Variants in ATE1 observed in about 807,000 individuals in gnomAD.
The protein encoded by ATE1 is arginyl-tRNA--protein transferase 1.
A neutral mutation model predicts 70.5 loss-of-function variants in ATE1; 36 were observed. That is an observed-to-expected ratio of 0.51 (90% CI 0.39 to 0.67). ATE1 has a LOEUF of 0.67. ATE1 is among the 30% of genes least tolerant of loss of function. ATE1 has a pLI of 0.00. For missense variants in ATE1, 593 were observed against 629.5 expected (o/e 0.94, Z 0.62); for synonymous variants, 232 against 219.3 (o/e 1.06, Z -0.51).
intron 8 of ATE1, among the ~76,000 whole-genome samples, chr10:121,847,810 A>G (rs944331139): frequency 1.4e-4 from 21 of 148,172 alleles, no homozygotes; most frequent in South Asian, 6.5e-4. Context: ...GGTGGCTCAC[A>G]CCTGTAATCC....
chr10:121,784,532 A>G lies in ATE1; in HGVS notation c.1378+5637T>C, dbSNP rs368362325. 1.1e-4 allele frequency among the ~76,000 whole-genome samples: 16 copies of G among 152,258 alleles called. 1 individual carries two copies. The highest frequency in any genetic ancestry group is 6.8e-3 in the Middle Eastern group (2 of 294). ...AGCACCATACTAAATTGTACATAAT[A>G]TATCTTTGAGAATAAGTGGCTAAAA... is the stretch of plus-strand genomic sequence containing the variant. On this transcript the variant is annotated intron_variant, in intron 11 of 11. Transcript: ENST00000224652.
At chr10:121,762,290 C>A (rs1418277922) in intron 11 of ATE1, among the ~76,000 whole-genome samples, 1 of 152,104 alleles carries the variant, frequency 6.6e-6, no homozygotes, top group South Asian at 2.1e-4. Flanking sequence ...TTTTCTAGGT[C>A]CTCCTCTCAT....
rs1951915695 is a variant in ATE1 at position 121,922,365 on chromosome 10, GACA to G, written c.214_216del (p.Cys72del). ...AATTCTTACCTTATTGTGTACTGAG[GACA>G]ACATGTTTGATTCATGACAGGTTTG... On this transcript the variant is annotated inframe_deletion, in exon 3 of 12. Coordinates refer to ENST00000224652, the MANE Select transcript of ATE1 (RefSeq NM_001001976.3). 4.4e-6 allele frequency: 7 copies of G among 1,597,470 alleles called. No individual in the cohort carries two copies. The highest frequency in any genetic ancestry group is 6.0e-6 in the Non-Finnish European group (7 of 1,166,924).
intron 11 of ATE1, among the ~76,000 whole-genome samples, chr10:121,783,026 G>A (rs1268450881): frequency 6.6e-6 from 1 of 152,042 alleles, no homozygotes; most frequent in Non-Finnish European, 1.5e-5. Flanking sequence ...TATTCCATTA[G>A]TTTTGTCCCT....
intron 3 of ATE1, among the ~76,000 whole-genome samples, chr10:121,915,321 G>GA (rs1390305336): frequency 6.6e-6 from 1 of 151,998 alleles, no homozygotes; most frequent in Non-Finnish European, 1.5e-5. Flanking sequence ...TGAAGTTGAA[G>GA]AAACCTTCCA....
chr10:121,813,999 G>GTGTCCC (rs1947432937), intron 10 of ATE1, among the ~76,000 whole-genome samples: 1 of 152,224 alleles, frequency 6.6e-6, no homozygotes, highest in South Asian at 2.1e-4. Context: ...GGGAATAGCA[G>GTGTCCC]TGTCCCTCAG....
rs753803099 is a variant in ATE1, at chr10:121,902,638, A to C, written c.584-18T>G. The C allele has an allele frequency of 1.3e-6, 2 of 1,568,430 alleles. No individual in the cohort carries two copies. Among genetic ancestry groups the C allele is most frequent in the Non-Finnish European group, 1.7e-6 (2 of 1,156,660 alleles). ...CCCTTTGCCTAAAAAGAATTTTAAA[A>C]TATTAGACCAATCACATTTGGTTCT... On this transcript the variant is annotated intron_variant, in intron 5 of 11. Transcript: ENST00000224652.
chr10:121,847,595 T>C (rs1948879101), intron 8 of ATE1, among the ~76,000 whole-genome samples: 1 of 149,694 alleles, frequency 6.7e-6, no homozygotes, highest in South Asian at 2.1e-4. Context: ...CTGTCTGTAC[T>C]AAAAATACAA....
intron 1 of ATE1, chr10:121,927,574 A>C: frequency 1.0e-6 from 1 of 980,068 alleles, no homozygotes; most frequent in Non-Finnish European, 1.2e-6. Flanking sequence ...CACCTCACAC[A>C]ATCTACCCCA....
intron 9 of ATE1, 43 bp downstream of exon 9, chr10:121,841,039 G>C (rs767576437): frequency 7.3e-7 from 1 of 1,364,746 alleles, no homozygotes; most frequent in Non-Finnish European, 9.7e-7. Flanking sequence ...ATTATTTGAA[G>C]TTCTATATAA....
chr10:121,743,502 T>TA lies in ATE1; in HGVS notation c.*177dup. On this transcript the variant is annotated 3_prime_UTR_variant, in exon 12 of 12. Coordinates refer to ENST00000224652, the MANE Select transcript of ATE1 (RefSeq NM_001001976.3). ...TAATGCAGTTTTAAAATCTTTATAT[T>TA]AACTATGAGATTCTCACAGATACAT... 8.1e-7 allele frequency: 1 copy of TA among 1,231,556 alleles called. No individual in the cohort carries two copies. Among genetic ancestry groups the TA allele is most frequent in the Non-Finnish European group, 1.0e-6 (1 of 968,482 alleles). The allele number at this position is 1,231,556 out of a possible 1,614,324, so 76.3% of individuals were successfully genotyped here.
chr10:121,804,039 G>GA (rs1946998089), intron 10 of ATE1, among the ~76,000 whole-genome samples: 1 of 152,188 alleles, frequency 6.6e-6, no homozygotes, highest in South Asian at 2.1e-4. Context: ...GGACTTGGTA[G>GA]AAAGTTAATG....
Position 121,836,831 on chromosome 10 carries a change from AAG to A in ATE1, c.1158-16_1158-15del. ...AAAGCAATTTCTCTGCGAAAAGAAA[AAG>A]AAGAAAGCTGAAGGCAGTTAATTCT... On this transcript the variant is annotated splice_polypyrimidine_tract_variant and intron_variant, in intron 9 of 11. Transcript: ENST00000224652. 1 of 1,548,470 alleles carries A rather than the reference AAG, an allele frequency of 6.5e-7. No homozygotes were observed.
chr10:121,813,622 CA>C (rs1947413438), intron 10 of ATE1, among the ~76,000 whole-genome samples: 1 of 152,174 alleles, frequency 6.6e-6, no homozygotes, highest in Non-Finnish European at 1.5e-5. Flanking sequence ...GTCAGGCCTC[CA>C]GAGAATTCCA....
In ATE1 at chr10:121,913,681, A is replaced by G; in HGVS notation, c.337+109T>C. The G allele has an allele frequency of 4.7e-6, 3 of 644,708 alleles. No individual in the cohort carries two copies. In the South Asian group the frequency reaches 7.1e-5, roughly 15 times the overall value. 39.9% of individuals were successfully genotyped at this position (644,708 alleles called of 1,614,324 possible). On this transcript the variant is annotated intron_variant, in intron 4 of 11. Coordinates refer to ENST00000224652, the MANE Select transcript of ATE1 (RefSeq NM_001001976.3). ...TAACAGTAGTCGCTGTCATCATAGT[A>G]GTAGCAGTACATGACTGTATTAATG...
At chr10:121,845,418 T>C (rs1948780826) in intron 8 of ATE1, among the ~76,000 whole-genome samples, 1 of 152,206 alleles carries the variant, frequency 6.6e-6, no homozygotes, top group African/African-American at 2.4e-5. Context: ...TAAAAAATCA[T>C]TTAGGAGTTT....
At chr10:121,775,002 C>G (rs1457308611) in intron 11 of ATE1, among the ~76,000 whole-genome samples, 1 of 152,150 alleles carries the variant, frequency 6.6e-6, no homozygotes, top group Non-Finnish European at 1.5e-5. Context: ...AAAAGGCAGA[C>G]ACATGTGGAG....
At position 121,927,990 on chromosome 10, in the gene ATE1, C is replaced by A. The variant is rs1952175151; in HGVS notation, c.-41G>T. 2 of 1,425,536 alleles carry A rather than the reference C, an allele frequency of 1.4e-6. No individual in the cohort carries two copies. Among genetic ancestry groups the A allele is most frequent in the Non-Finnish European group, 1.8e-6 (2 of 1,086,666 alleles). 88.3% of individuals were successfully genotyped at this position (1,425,536 alleles called of 1,614,324 possible). A position where few individuals can be genotyped will look rare whatever the true frequency, so the allele number is the denominator to read the frequency against. ...AACGCTCAGCCGCCCGGCCCCGCGT[C>A]GCTAGCGCGGCCGCCGCCGCCACCC... On this transcript the variant is annotated 5_prime_UTR_variant, in exon 1 of 12. Transcript: ENST00000224652.
intron 10 of ATE1, among the ~76,000 whole-genome samples, chr10:121,828,947 A>C (rs1269592763): frequency 6.6e-6 from 1 of 152,212 alleles, no homozygotes; most frequent in African/African-American, 2.4e-5. Flanking sequence ...GAAAATCCAA[A>C]TGAAACATTA....
Sources: gnomAD v4.1 joint callset for allele counts (sites outside exome capture counted in the v4.1 genomes callset) on GRCh38, gnomAD v4.1.1 for gene constraint, MANE v1.5 for transcripts, NCBI Gene and HGNC (gene_info 2026-07-23, HGNC 2026-07-21) for gene names.